ZNF385B: variants seen among roughly 807,000 people sequenced by gnomAD.
The protein encoded by ZNF385B is zinc finger protein 533.
Under a neutral mutation model 39.2 loss-of-function variants are expected in ZNF385B, and 23 were observed. The observed-to-expected ratio is 0.59, with a 90% CI of 0.42 to 0.83. ZNF385B has a LOEUF of 0.83. ZNF385B is among the 40% of genes least tolerant of loss of function. The pLI is 0.00. For missense variants in ZNF385B, 552 were observed against 598.9 expected (o/e 0.92, Z 0.82); for synonymous variants, 205 against 222.6 (o/e 0.92, Z 0.70).
intron 3 of ZNF385B, among the ~76,000 whole-genome samples, chr2:179,567,687 G>C (rs1310329374): frequency 6.6e-6 from 1 of 152,144 alleles, no homozygotes; most frequent in African/African-American, 2.4e-5. Context: ...AGAAGAGCTG[G>C]AGAAAGTTTC....
chr2:179,579,761 T>C (rs1434301006), intron 3 of ZNF385B, among the ~76,000 whole-genome samples: 6 of 152,178 alleles, frequency 3.9e-5, no homozygotes, highest in Non-Finnish European at 8.8e-5. Context: ...TTAAAAATAA[T>C]AACCAACAAT....
chr2:179,847,341 T>C (rs1296048582), intron 1 of ZNF385B, among the ~76,000 whole-genome samples: 1 of 152,226 alleles, frequency 6.6e-6, no homozygotes, highest in Non-Finnish European at 1.5e-5. Context: ...CACCTAATTA[T>C]TGAATTAAAA....
rs141316466 is a variant in ZNF385B, at chr2:179,843,687, A to G, written c.-155+17414T>C. Among the ~76,000 whole-genome samples the G allele has an allele frequency of 3.8e-3, 585 of 152,280 alleles. 3 individuals are homozygous for G. The highest frequency in any genetic ancestry group is 5.8e-3 in the Non-Finnish European group (393 of 68,018). On this transcript the variant is annotated intron_variant, in intron 1 of 9. Coordinates refer to ENST00000410066, the MANE Select transcript of ZNF385B (RefSeq NM_152520.6). ...TTGGTATATGTGCCCTTCCAGTTCA[A>G]TGCTACAACCCATCAGATCACCTCC...
chr2:179,825,836 T>C (rs1707649094), intron 1 of ZNF385B, among the ~76,000 whole-genome samples: 1 of 152,132 alleles, frequency 6.6e-6, no homozygotes, highest in Non-Finnish European at 1.5e-5. Flanking sequence ...AACTCCTCCC[T>C]TCCTTAACTC....
At chr2:179,626,291 C>T (rs1331705319) in intron 3 of ZNF385B, among the ~76,000 whole-genome samples, 1 of 152,054 alleles carries the variant, frequency 6.6e-6, no homozygotes, top group East Asian at 1.9e-4. Flanking sequence ...TTCAAATTTC[C>T]AATGGCCAAA....
At chr2:179,803,797 A>G (rs1478877682) in intron 1 of ZNF385B, among the ~76,000 whole-genome samples, 1 of 152,208 alleles carries the variant, frequency 6.6e-6, no homozygotes, top group African/African-American at 2.4e-5. Flanking sequence ...AGCCAGTAAC[A>G]GAGCATCTGC....
chr2:179,469,651 G>T (rs2105512709), intron 6 of ZNF385B, among the ~76,000 whole-genome samples: 1 of 152,266 alleles, frequency 6.6e-6, no homozygotes, highest in Non-Finnish European at 1.5e-5. Context: ...GTCCAATTTA[G>T]GAGAGTTAGA....
intron 1 of ZNF385B, among the ~76,000 whole-genome samples, chr2:179,842,001 G>T (rs1042440258): frequency 6.6e-6 from 1 of 152,162 alleles, no homozygotes; most frequent in East Asian, 1.9e-4. Flanking sequence ...AAGCCAGGCT[G>T]CCTACCTTTA....
chr2:179,824,568 T>A (rs975583539), intron 1 of ZNF385B, among the ~76,000 whole-genome samples: 9 of 152,088 alleles, frequency 5.9e-5, no homozygotes, highest in African/African-American at 1.4e-4. Context: ...CATTTCAAAA[T>A]GACAAGAAGA....
At chr2:179,765,807 A>C (rs1703655181) in intron 3 of ZNF385B, among the ~76,000 whole-genome samples, 1 of 152,118 alleles carries the variant, frequency 6.6e-6, no homozygotes, top group Non-Finnish European at 1.5e-5. Flanking sequence ...GCCAAGACCC[A>C]TCTGCGGTTT....
At chr2:179,842,618 A>G (rs891362878) in intron 1 of ZNF385B, among the ~76,000 whole-genome samples, 3 of 151,978 alleles carry the variant, frequency 2.0e-5, no homozygotes, top group Non-Finnish European at 4.4e-5. Context: ...TGAAAAATTC[A>G]TATGTTCCTA....
At chr2:179,632,639 G>C (rs1190454663) in intron 3 of ZNF385B, among the ~76,000 whole-genome samples, 1 of 152,146 alleles carries the variant, frequency 6.6e-6, no homozygotes, top group African/African-American at 2.4e-5. Flanking sequence ...ACAATTGAAA[G>C]AACTAGAGAA....
At chr2:179,698,307 C>T (rs1698923413) in intron 3 of ZNF385B, among the ~76,000 whole-genome samples, 1 of 151,980 alleles carries the variant, frequency 6.6e-6, no homozygotes, top group African/African-American at 2.4e-5. Context: ...TTCAGTAAAA[C>T]ACGGTTAAAG....
intron 1 of ZNF385B, among the ~76,000 whole-genome samples, chr2:179,811,554 G>C (rs971656979): frequency 6.6e-6 from 1 of 152,096 alleles, no homozygotes; most frequent in Non-Finnish European, 1.5e-5. Context: ...ATGGGAAAAG[G>C]ACTCCCTATT....
intron 5 of ZNF385B, among the ~76,000 whole-genome samples, chr2:179,495,738 C>T (rs2056134630): frequency 6.6e-6 from 1 of 152,204 alleles, no homozygotes; most frequent in Non-Finnish European, 1.5e-5. Flanking sequence ...TTCCCAGATC[C>T]TGTCCAAGAC....
intron 1 of ZNF385B, among the ~76,000 whole-genome samples, chr2:179,828,597 A>C (rs553113204): frequency 1.1e-3 from 170 of 152,296 alleles, no homozygotes; most frequent in Non-Finnish European, 2.1e-3. Context: ...TTATTGGAAA[A>C]AAGAATACCA....
In ZNF385B at chr2:179,763,257, G is replaced by C. The variant is rs57488351; in HGVS notation, c.298+6246C>G. On this transcript the variant is annotated intron_variant, in intron 3 of 9. Transcript: ENST00000410066. ...TTTTAGTTATTTATGGTTTCTGAAG[G>C]ACTGGTTCATCCTTCTCACTTGTCA... Among the ~76,000 whole-genome samples the C allele has an allele frequency of 2.1e-3, 319 of 152,204 alleles. 2 individuals are homozygous for C. Among genetic ancestry groups the C allele is most frequent in the African/African-American group, 7.4e-3 (307 of 41,524 alleles).
intron 5 of ZNF385B, among the ~76,000 whole-genome samples, chr2:179,493,798 T>G (rs1241802636): frequency 7.6e-6 from 1 of 131,590 alleles, no homozygotes; most frequent in African/African-American, 2.8e-5. Flanking sequence ...TGTATACATA[T>G]ATGTATATAT....
At chr2:179,765,428 A>AT (rs1244439250) in intron 3 of ZNF385B, among the ~76,000 whole-genome samples, 5 of 152,272 alleles carry the variant, frequency 3.3e-5, no homozygotes, top group Non-Finnish European at 7.4e-5. Flanking sequence ...ATGGGCTTAC[A>AT]TGGTTCCAGG....
Sources: allele counts gnomAD v4.1 joint callset (sites outside exome capture counted in the v4.1 genomes callset), GRCh38; gene constraint gnomAD v4.1.1; transcripts MANE v1.5; gene names NCBI Gene and HGNC (gene_info 2026-07-23, HGNC 2026-07-21).